SETD5: variants seen among roughly 807,000 people sequenced by gnomAD.
SETD5 encodes histone-lysine N-methyltransferase SETD5.
In SETD5, 44 loss-of-function variants were observed where a neutral mutation model predicts 153.3. The ratio of observed to expected loss-of-function variants is 0.29; its 90% CI spans 0.23 to 0.37. SETD5 has a LOEUF of 0.37. Ranked by LOEUF, SETD5 falls within the 10% of genes least tolerant of loss-of-function variation. SETD5 has a pLI of 1.00. For missense variants in SETD5, 1,544 were observed against 1,768.0 expected (o/e 0.87, Z 2.27); for synonymous variants, 716 against 645.2 (o/e 1.11, Z -1.66).
intron 1 of SETD5, among the ~76,000 whole-genome samples, chr3:9,416,541 T>C (rs1161155769): frequency 6.6e-6 from 1 of 152,222 alleles, no homozygotes; most frequent in East Asian, 1.9e-4. Flanking sequence ...TTTCAATGAT[T>C]AAGACTTTTT....
intron 19 of SETD5, among the ~76,000 whole-genome samples, chr3:9,472,379 C>T (rs867262684): frequency 3.3e-5 from 5 of 149,968 alleles, no homozygotes; most frequent in African/African-American, 1.2e-4. Flanking sequence ...GCCAGAACAA[C>T]AAAGAGAAGG....
chr3:9,460,279 A>G (rs2043798096), intron 17 of SETD5, among the ~76,000 whole-genome samples: 1 of 151,968 alleles, frequency 6.6e-6, no homozygotes, highest in Non-Finnish European at 1.5e-5. Context: ...AAAAAAACTA[A>G]AGAACTCTGG....
At chr3:9,457,366 T>G (rs895835860) in intron 17 of SETD5, among the ~76,000 whole-genome samples, 1 of 152,010 alleles carries the variant, frequency 6.6e-6, no homozygotes, top group Non-Finnish European at 1.5e-5. Flanking sequence ...TGGGCACTTG[T>G]AGTCCCGCTA....
Position 9,464,685 on chromosome 3 carries a change from T to A in SETD5, c.2724+13T>A, listed in dbSNP as rs750896664. The A allele has an allele frequency of 6.2e-7, 1 of 1,614,068 alleles. No homozygotes were observed. The stretch of plus-strand genomic sequence containing the variant: ...TCTACAGTTTGAGGTGATTTGGGTT[T>A]GGTTGCTGGGAGTGCTGGATATGAA... On this transcript the variant is annotated intron_variant, in intron 18 of 22. Coordinates refer to ENST00000402198, the MANE Select transcript of SETD5 (RefSeq NM_001080517.3).
chr3:9,403,302 C>T lies in SETD5; in HGVS notation c.-177+5325C>T, dbSNP rs554334938. Among the ~76,000 whole-genome samples the T allele has an allele frequency of 2.0e-5, 3 of 152,140 alleles. No individual in the cohort carries two copies. The East Asian group carries it at 5.8e-4, about 29-fold the overall frequency. ...CTGTATAGGTTAAAATAAAATAAAT[C>T]CCACACTCTGCACCCTCCTAGGTGC... On this transcript the variant is annotated intron_variant, in intron 1 of 22. Coordinates refer to ENST00000402198, the MANE Select transcript of SETD5 (RefSeq NM_001080517.3).
At chr3:9,437,590 ATTACTGGGGGC>A (rs1473614888) in intron 7 of SETD5, among the ~76,000 whole-genome samples, 1 of 150,956 alleles carries the variant, frequency 6.6e-6, no homozygotes, top group Non-Finnish European at 1.5e-5. Flanking sequence ...CTCTCAAATT[ATTACTGGGGGC>A]TTCAAAGCAT....
intron 13 of SETD5, among the ~76,000 whole-genome samples, chr3:9,446,666 G>A (rs1330688729): frequency 1.3e-5 from 2 of 151,832 alleles, no homozygotes; most frequent in East Asian, 3.9e-4. Flanking sequence ...GTAATTTTTT[G>A]TATTTTAGTA....
At chr3:9,435,511 T>A (rs187969494) in intron 6 of SETD5, among the ~76,000 whole-genome samples, 5 of 152,304 alleles carry the variant, frequency 3.3e-5, no homozygotes, top group African/African-American at 1.2e-4. Context: ...AGGGGAGAAA[T>A]AAATACCATG....
chr3:9,448,167 T>C (rs935437628), intron 15 of SETD5, among the ~76,000 whole-genome samples, 161 bp downstream of exon 15: 14 of 152,178 alleles, frequency 9.2e-5, no homozygotes, highest in Non-Finnish European at 1.3e-4. Flanking sequence ...GCTACCTGTT[T>C]CCTTATTTTT....
intron 6 of SETD5, 127 bp downstream of exon 6, chr3:9,435,009 C>A: frequency 9.5e-7 from 1 of 1,052,092 alleles, no homozygotes; most frequent in Non-Finnish European, 1.3e-6. Flanking sequence ...CTTAGGGAGG[C>A]CAAAGCGGGC....
intron 17 of SETD5, among the ~76,000 whole-genome samples, chr3:9,457,508 A>C (rs934807517): frequency 6.7e-5 from 10 of 150,354 alleles, no homozygotes; most frequent in East Asian, 1.9e-4. Context: ...ATATATACTA[A>C]TAATAATAAT....
intron 14 of SETD5, 147 bp downstream of exon 14, chr3:9,447,454 C>T: frequency 1.6e-6 from 2 of 1,239,820 alleles, no homozygotes; most frequent in Non-Finnish European, 2.2e-6. Flanking sequence ...GGAACCATTT[C>T]ATTGGCCTAT....
intron 6 of SETD5, 69 bp from the exon 7 acceptor site, chr3:9,435,659 A>G (rs2040486666): frequency 2.1e-6 from 3 of 1,408,840 alleles, no homozygotes; most frequent in Non-Finnish European, 2.8e-6. Context: ...GCACACCTAA[A>G]AGAATAAGCT....
intron 1 of SETD5, among the ~76,000 whole-genome samples, chr3:9,412,845 G>C (rs1212604114): frequency 1.3e-5 from 2 of 151,162 alleles, no homozygotes; most frequent in African/African-American, 2.4e-5. Context: ...CTTATTAGTT[G>C]GTCATTGTCG....
chr3:9,425,558 T>C (rs1325286392), intron 2 of SETD5, among the ~76,000 whole-genome samples: 2 of 151,858 alleles, frequency 1.3e-5, no homozygotes, highest in African/African-American at 4.8e-5. Flanking sequence ...TAACTTGTCT[T>C]TTATCTAGAA....
chr3:9,421,125 C>G (rs1028257966), intron 1 of SETD5, among the ~76,000 whole-genome samples: 1 of 151,374 alleles, frequency 6.6e-6, no homozygotes, highest in Admixed American at 6.6e-5. Context: ...ATTGCCTGAG[C>G]TAGTTGGCAG....
intron 7 of SETD5, among the ~76,000 whole-genome samples, chr3:9,438,488 T>C (rs1306707434): frequency 6.6e-6 from 1 of 152,190 alleles, no homozygotes; most frequent in Non-Finnish European, 1.5e-5. Context: ...GCTTACAGTT[T>C]TGGGAGGTTG....
intron 17 of SETD5, among the ~76,000 whole-genome samples, chr3:9,458,008 T>C (rs1363451512): frequency 6.6e-6 from 1 of 152,134 alleles, no homozygotes; most frequent in Non-Finnish European, 1.5e-5. Context: ...AATAGTTAAA[T>C]TTAGTATAAT....
intron 16 of SETD5, among the ~76,000 whole-genome samples, chr3:9,452,659 A>ATTTTTTTTTTTTTTTTTTTTT (rs1164278885): frequency 3.3e-5 from 2 of 59,810 alleles, no homozygotes; most frequent in Non-Finnish European, 6.4e-5. Flanking sequence ...ATGATGTAAG[A>ATTTTTTTTTTTTTTTTTTTTT]TTTTTTTTTT....
Sources: allele counts gnomAD v4.1 joint callset (sites outside exome capture counted in the v4.1 genomes callset), GRCh38; gene constraint gnomAD v4.1.1; transcripts MANE v1.5; gene names NCBI Gene and HGNC (gene_info 2026-07-23, HGNC 2026-07-21).